Variants in CADM2 observed in about 807,000 individuals in gnomAD.
CADM2 encodes immunoglobulin superfamily member 4D.
Under a neutral mutation model 49.8 loss-of-function variants are expected in CADM2, and 12 were observed. The observed-to-expected ratio is 0.24, with a 90% CI of 0.15 to 0.39. CADM2 has a LOEUF of 0.39. CADM2 is among the 10% of genes least tolerant of loss of function. The pLI is 1.00. For synonymous variants in CADM2, 214 were observed against 175.4 expected, an observed-to-expected ratio of 1.22 and a Z score of -1.74; for missense variants, 378 against 492.3, an observed-to-expected ratio of 0.77 and a Z score of 2.20.
chr3:85,104,385 C>G, intron 1 of CADM2, among the ~76,000 whole-genome samples: 1 of 151,908 alleles, frequency 6.6e-6, no homozygotes, highest in African/African-American at 2.4e-5. Context: ...TCTGAGGGCT[C>G]TGTTCTGTTC....
At chr3:85,475,332 C>T (rs935277566) in intron 1 of CADM2, among the ~76,000 whole-genome samples, 11 of 151,878 alleles carry the variant, frequency 7.2e-5, no homozygotes, top group African/African-American at 2.7e-4. Flanking sequence ...CCTATCTATC[C>T]TATCCAGCTC....
At chr3:85,187,250 T>A (rs1258472075) in intron 1 of CADM2, among the ~76,000 whole-genome samples, 1 of 152,166 alleles carries the variant, frequency 6.6e-6, no homozygotes, top group Non-Finnish European at 1.5e-5. Flanking sequence ...AAATATTCTA[T>A]CATGTCTATA....
intron 6 of CADM2, among the ~76,000 whole-genome samples, chr3:85,917,757 G>A (rs896393819): frequency 6.6e-6 from 1 of 152,146 alleles, no homozygotes. Context: ...ATTACCTTGG[G>A]CAGTATGGCC....
chr3:85,043,635 C>T (rs1236618047), intron 1 of CADM2, among the ~76,000 whole-genome samples: 2 of 151,992 alleles, frequency 1.3e-5, no homozygotes, highest in African/African-American at 4.8e-5. Flanking sequence ...ACTGTGATTG[C>T]CCTACTACAC....
At chr3:85,671,727 C>T (rs559435757) in intron 1 of CADM2, among the ~76,000 whole-genome samples, 1 of 152,208 alleles carries the variant, frequency 6.6e-6, no homozygotes, top group South Asian at 2.1e-4. Context: ...GAAAATCTCC[C>T]CTCAGGTATA....
intron 1 of CADM2, among the ~76,000 whole-genome samples, chr3:85,607,844 A>T (rs1242959897): frequency 6.6e-6 from 1 of 151,866 alleles, no homozygotes; most frequent in African/African-American, 2.4e-5. Context: ...TTTAGTAGAG[A>T]CGGGGTTTCA....
rs567683873 is a variant in CADM2 at position 86,043,073 on chromosome 3, C to T, written c.971-22532C>T. On this transcript the variant is annotated intron_variant, in intron 8 of 9. Coordinates refer to ENST00000383699, the MANE Select transcript of CADM2 (RefSeq NM_001167675.2). ...CGCAATAAATTAGGTATTGATGGGA[C>T]GTATCTCAAAATAATAAGAGCTATC... is the stretch of plus-strand genomic sequence containing the variant. 4.8e-4 allele frequency among the ~76,000 whole-genome samples: 73 copies of T among 152,228 alleles called. No individual in the cohort carries two copies. In the East Asian group the frequency reaches 6.8e-3, roughly 14 times the overall value.
chr3:85,394,361 A>T (rs1368555583), intron 1 of CADM2, among the ~76,000 whole-genome samples: 1 of 152,196 alleles, frequency 6.6e-6, no homozygotes, highest in African/African-American at 2.4e-5. Context: ...CTGTTTCCAT[A>T]ATAAGGTATG....
At chr3:85,668,820 T>C (rs925214450) in intron 1 of CADM2, among the ~76,000 whole-genome samples, 1 of 152,148 alleles carries the variant, frequency 6.6e-6, no homozygotes, top group South Asian at 2.1e-4. Flanking sequence ...TGAGTGTAAA[T>C]GCTCATGACA....
chr3:86,058,656 TAA>T (rs1156842593), intron 8 of CADM2, among the ~76,000 whole-genome samples: 12 of 152,188 alleles, frequency 7.9e-5, no homozygotes, highest in Non-Finnish European at 1.8e-4. Flanking sequence ...AATTGAATAA[TAA>T]TCACTTTCTT....
chr3:85,998,432 G>A (rs1729706121), intron 8 of CADM2, among the ~76,000 whole-genome samples: 1 of 152,046 alleles, frequency 6.6e-6, no homozygotes, highest in Non-Finnish European at 1.5e-5. Context: ...CAAACACAAA[G>A]AGGAATTGGA....
At chr3:85,326,398 AAT>A (rs2044751898) in intron 1 of CADM2, among the ~76,000 whole-genome samples, 1 of 152,190 alleles carries the variant, frequency 6.6e-6, no homozygotes, top group African/African-American at 2.4e-5. Flanking sequence ...GACTGAGTTG[AAT>A]AGTCTTTCAT....
chr3:85,563,784 C>A (rs28738715), intron 1 of CADM2, among the ~76,000 whole-genome samples: 173 of 152,230 alleles, frequency 1.1e-3, no homozygotes, highest in African/African-American at 4.0e-3. Flanking sequence ...CCAAAATTCT[C>A]CATATAAATG....
intron 2 of CADM2, among the ~76,000 whole-genome samples, chr3:85,769,411 G>A (rs867644914): frequency 2.6e-4 from 18 of 69,534 alleles, no homozygotes; most frequent in African/African-American, 4.3e-4. Flanking sequence ...ATATATACAC[G>A]TATATACATA....
intron 1 of CADM2, among the ~76,000 whole-genome samples, chr3:85,597,225 A>C (rs1196169680): frequency 6.6e-6 from 1 of 152,042 alleles, no homozygotes; most frequent in African/African-American, 2.4e-5. Flanking sequence ...ACAATAAGTA[A>C]GTACACGTAA....
At position 86,070,988 on chromosome 3, in the gene CADM2, G is replaced by A. The variant is rs1739819239; in HGVS notation, c.*4205G>A. 1 of 151,874 alleles carries A rather than the reference G, an allele frequency of 6.6e-6. No individual in the cohort carries two copies. Among genetic ancestry groups the A allele is most frequent in the Non-Finnish European group, 1.5e-5 (1 of 67,818 alleles). 9.4% of individuals were successfully genotyped at this position (151,874 alleles called of 1,614,324 possible). On this transcript the variant is annotated 3_prime_UTR_variant, in exon 10 of 10. Transcript: ENST00000383699. ...TAAAGAATTCTTCAGCAAGATCCAAGAGGTTGCTAATCTTCACCTCTCACA... is the reference window on the plus strand; with the variant it reads ...TAAAGAATTCTTCAGCAAGATCCAAAAGGTTGCTAATCTTCACCTCTCACA...
intron 1 of CADM2, among the ~76,000 whole-genome samples, chr3:84,992,021 C>T (rs80077826): frequency 0.014 from 2,096 of 152,180 alleles, 22 homozygotes; most frequent in Non-Finnish European, 0.024. Context: ...AAGTAGAGCA[C>T]AGAAGAATTT....
At chr3:85,423,492 G>T (rs757960169) in intron 1 of CADM2, among the ~76,000 whole-genome samples, 11 of 152,038 alleles carry the variant, frequency 7.2e-5, no homozygotes, top group Non-Finnish European at 1.3e-4. Flanking sequence ...GATAGGAAAG[G>T]GAAATATAAT....
At chr3:85,231,682 G>A (rs915895508) in intron 1 of CADM2, among the ~76,000 whole-genome samples, 2 of 151,058 alleles carry the variant, frequency 1.3e-5, no homozygotes, top group African/African-American at 4.9e-5. Context: ...AAGTGGGGTA[G>A]GGGGAGTATT....
Sources: gnomAD v4.1 joint callset for allele counts (sites outside exome capture counted in the v4.1 genomes callset) on GRCh38, gnomAD v4.1.1 for gene constraint, MANE v1.5 for transcripts, NCBI Gene and HGNC (gene_info 2026-07-23, HGNC 2026-07-21) for gene names.